Variants in TNR observed in about 807,000 individuals in gnomAD.
TNR encodes tenascin R.
Under a neutral mutation model 150.4 loss-of-function variants are expected in TNR, and 45 were observed. The observed-to-expected ratio is 0.30, with a 90% CI of 0.24 to 0.38. TNR has a LOEUF of 0.38. TNR is among the 10% of genes least tolerant of loss of function. The probability of loss-of-function intolerance (pLI) is 1.00; values close to 1 mark genes in which losing one functional copy is unlikely to be tolerated. For synonymous variants in TNR, 687 were observed against 678.4 expected (o/e 1.01, Z -0.20); for missense variants, 1,544 against 1,759.1 (o/e 0.88, Z 2.19).
chr1:175,646,680 G>A (rs1435258444), intron 1 of TNR, among the ~76,000 whole-genome samples: 1 of 152,212 alleles, frequency 6.6e-6, no homozygotes, highest in Admixed American at 6.5e-5. Context: ...TCATTTAGAA[G>A]TTCTGGCAAC....
intron 1 of TNR, among the ~76,000 whole-genome samples, chr1:175,624,712 A>G (rs192799538): frequency 6.6e-6 from 1 of 152,324 alleles, no homozygotes; most frequent in Non-Finnish European, 1.5e-5. Context: ...TAAGCTGCTC[A>G]GTTTATGGCA....
At chr1:175,460,767 T>C (rs1307350959) in intron 2 of TNR, among the ~76,000 whole-genome samples, 1 of 152,206 alleles carries the variant, frequency 6.6e-6, no homozygotes, top group African/African-American at 2.4e-5. Context: ...GTTTTCTGAC[T>C]CTAAGGCCAG....
intron 2 of TNR, among the ~76,000 whole-genome samples, chr1:175,451,541 C>A (rs376300613): frequency 3.3e-5 from 5 of 152,038 alleles, no homozygotes; most frequent in East Asian, 3.9e-4. Context: ...CAGGGGAAGC[C>A]TCAGTTACAT....
intron 1 of TNR, among the ~76,000 whole-genome samples, chr1:175,683,920 C>T (rs1666112453): frequency 6.6e-6 from 1 of 152,194 alleles, no homozygotes. Context: ...GCTTTCGTGC[C>T]CATACACCAA....
At chr1:175,480,429 A>AAGAG (rs1213446210) in intron 2 of TNR, among the ~76,000 whole-genome samples, 1 of 149,728 alleles carries the variant, frequency 6.7e-6, no homozygotes, top group African/African-American at 2.4e-5. Context: ...AAAAGAAAGA[A>AAGAG]AGAAAGAAAG....
At chr1:175,489,132 G>A (rs952850596) in intron 2 of TNR, among the ~76,000 whole-genome samples, 2 of 152,122 alleles carry the variant, frequency 1.3e-5, no homozygotes, top group Admixed American at 6.6e-5. Context: ...GATTATCCCC[G>A]CTGAATATGT....
chr1:175,357,513 C>T (rs955388103), intron 15 of TNR, among the ~76,000 whole-genome samples: 1 of 151,952 alleles, frequency 6.6e-6, no homozygotes, highest in East Asian at 1.9e-4. Flanking sequence ...TTTTTAATGT[C>T]CCCCTTTGCA....
intron 1 of TNR, among the ~76,000 whole-genome samples, chr1:175,701,077 G>A (rs1389656595): frequency 6.6e-6 from 1 of 152,174 alleles, no homozygotes; most frequent in African/African-American, 2.4e-5. Flanking sequence ...TCATTTTTGT[G>A]CTACCTCTCA....
chr1:175,617,912 T>C (rs1466941177), intron 1 of TNR, among the ~76,000 whole-genome samples: 13 of 152,338 alleles, frequency 8.5e-5, no homozygotes, highest in Middle Eastern at 3.4e-3. Flanking sequence ...CTCAGAAAGG[T>C]TTAGTTCTTG....
rs758128583 is a variant in TNR at position 175,386,245 on chromosome 1, C to T, written c.1564G>A (p.Val522Met). 2.7e-5 allele frequency: 43 copies of T among 1,604,116 alleles called. No individual in the cohort carries two copies. The Admixed American group carries it at 6.0e-4, about 23-fold the overall frequency. Residue 522 changes from valine to methionine, a missense_variant, in exon 8 of 23, where the codon GTG becomes ATG. Around this residue, in one of 2 missense-constraint regions of TNR, gnomAD observed 1,254 missense variants for 1,329.4 expected, o/e 0.94. Coordinates refer to ENST00000367674, the MANE Select transcript of TNR (RefSeq NM_003285.3). Reference sequence around the variant, plus strand: ...TTGGCTCGAGGGGGAATCCACTCCACAAAAGCCACAGTGTCCGAGACATCG... The same window carrying T: ...TTGGCTCGAGGGGGAATCCACTCCATAAAAGCCACAGTGTCCGAGACATCG... ...VRDVSDTVAF[V>M]EWIPPRAKVD...
At chr1:175,684,905 C>T (rs748738512) in intron 1 of TNR, among the ~76,000 whole-genome samples, 1 of 152,146 alleles carries the variant, frequency 6.6e-6, no homozygotes, top group Non-Finnish European at 1.5e-5. Flanking sequence ...TAACTCAACC[C>T]CACACACTCC....
At chr1:175,506,174 G>C (rs1248888380) in intron 2 of TNR, among the ~76,000 whole-genome samples, 1 of 152,216 alleles carries the variant, frequency 6.6e-6, no homozygotes, top group African/African-American at 2.4e-5. Flanking sequence ...TCCTATGAAG[G>C]AACACTGAGT....
At chr1:175,396,480 T>C (rs1046183108) in intron 5 of TNR, 64 bp downstream of exon 5, 1 of 1,558,054 alleles carries the variant, frequency 6.4e-7, no homozygotes, top group South Asian at 1.2e-5. Context: ...GCTACTATCA[T>C]GAATGCCCAT....
chr1:175,594,620 T>C (rs1320877728), intron 1 of TNR, among the ~76,000 whole-genome samples: 1 of 152,098 alleles, frequency 6.6e-6, no homozygotes, highest in East Asian at 1.9e-4. Flanking sequence ...TTTGGGAGAC[T>C]GAAGCGGGCC....
chr1:175,467,707 G>A (rs559011615), intron 2 of TNR, among the ~76,000 whole-genome samples: 4 of 152,182 alleles, frequency 2.6e-5, no homozygotes, highest in African/African-American at 9.7e-5. Flanking sequence ...GGCACAGAGG[G>A]CATGAGGTCA....
chr1:175,419,368 A>C (rs933768393), intron 2 of TNR, among the ~76,000 whole-genome samples: 1 of 152,216 alleles, frequency 6.6e-6, no homozygotes, highest in South Asian at 2.1e-4. Context: ...TACAGATGGC[A>C]CTGACTGGGC....
chr1:175,335,909 G>C lies in TNR; in HGVS notation c.3535-102C>G. Reference sequence around the variant, plus strand: ...GTGATAAGTAAAATTGATATAACTGGGTTTTATATCTGCAATGACAAAGAT... The same window carrying C: ...GTGATAAGTAAAATTGATATAACTGCGTTTTATATCTGCAATGACAAAGAT... On this transcript the variant is annotated intron_variant, in intron 19 of 22. Coordinates refer to ENST00000367674, the MANE Select transcript of TNR (RefSeq NM_003285.3). The C allele has an allele frequency of 3.0e-6, 3 of 1,014,986 alleles. No individual in the cohort carries two copies. The Admixed American group carries it at 7.1e-5, about 24-fold the overall frequency. The allele number at this position is 1,014,986 out of a possible 1,614,324, so 62.9% of individuals were successfully genotyped here.
chr1:175,537,687 G>T (rs1349436166), intron 1 of TNR, among the ~76,000 whole-genome samples: 1 of 152,226 alleles, frequency 6.6e-6, no homozygotes, highest in Admixed American at 6.5e-5. Flanking sequence ...AGGACTCTGG[G>T]TTAGGTTGGG....
In TNR at chr1:175,376,544, A is replaced by C. The variant is rs76104715; in HGVS notation, c.1963+3008T>G. ...TTCAGATCAAACTGTGTCTGAACAC[A>C]GGCATTGGAGGCTGAAAAACTTAAC... On this transcript the variant is annotated intron_variant, in intron 9 of 22. Coordinates refer to ENST00000367674, the MANE Select transcript of TNR (RefSeq NM_003285.3). Among the ~76,000 whole-genome samples the C allele has an allele frequency of 4.3e-3, 653 of 152,344 alleles. 4 individuals carry two copies. The highest frequency in any genetic ancestry group is 0.015 in the African/African-American group (631 of 41,574).
Sources: gnomAD v4.1 joint callset for allele counts (sites outside exome capture counted in the v4.1 genomes callset) on GRCh38, gnomAD v4.1.1 for gene constraint, gnomAD v4.1.1 regional missense constraint, MANE v1.5 for transcripts, NCBI Gene and HGNC (gene_info 2026-07-23, HGNC 2026-07-21) for gene names.